ANKS1A: variants seen among roughly 807,000 people sequenced by gnomAD.
ANKS1A encodes the protein ankyrin repeat and sterile alpha motif domain containing 1A.
ANKS1A carries 55 observed loss-of-function variants against 120.3 expected under a neutral mutation model. The observed-to-expected ratio is 0.46, with a 90% CI of 0.37 to 0.57. The LOEUF (loss-of-function observed/expected upper bound fraction) is 0.57. Among genes scored for constraint, ANKS1A ranks in the 20% least tolerant of loss-of-function variants. The pLI is 0.00. For missense variants in ANKS1A, 1,123 were observed against 1,480.3 expected, an observed-to-expected ratio of 0.76 and a Z score of 3.96; for synonymous variants, 590 against 604.7, an observed-to-expected ratio of 0.98 and a Z score of 0.36.
In ANKS1A at chr6:35,017,663, C is replaced by T. The variant is rs766158625; in HGVS notation, c.1614C>T (p.His538=). 1 of 1,613,888 alleles carries T rather than the reference C, an allele frequency of 6.2e-7. No homozygotes were observed. The highest frequency in any genetic ancestry group is 2.2e-5 in the East Asian group (1 of 44,880). Residue 538 remains histidine, a synonymous_variant, in exon 11 of 24, where the codon CAC becomes CAT. Coordinates refer to ENST00000360359, the MANE Select transcript of ANKS1A (RefSeq NM_015245.3). ...PDGSPQQGAC[H]KASMQLEETG... ...GGTCCCCCCAGCAGGGCGCCTGCCA[C>T]AAGGCCAGCATGCAGCTGGAGGAGA...
At chr6:35,013,460 A>G (rs1773864407) in intron 10 of ANKS1A, among the ~76,000 whole-genome samples, 1 of 151,816 alleles carries the variant, frequency 6.6e-6, no homozygotes, top group Non-Finnish European at 1.5e-5. Context: ...ACACCCAGCT[A>G]ATTTTTAAAT....
intron 10 of ANKS1A, among the ~76,000 whole-genome samples, chr6:35,000,121 G>A (rs1029151659): frequency 6.6e-6 from 1 of 152,064 alleles, no homozygotes; most frequent in Non-Finnish European, 1.5e-5. Flanking sequence ...CCACTTTGTT[G>A]TCAGTGTAGT....
At chr6:34,970,306 A>G in intron 3 of ANKS1A, 140 bp downstream of exon 3, 6 of 978,440 alleles carry the variant, frequency 6.1e-6, no homozygotes, top group East Asian at 2.7e-5. Flanking sequence ...GTTCCTTAGC[A>G]TGGAACCACC....
chr6:35,090,860 C>T lies in ANKS1A; in HGVS notation c.*2251C>T, dbSNP rs1241255898. 6 of 985,654 alleles carry T rather than the reference C, an allele frequency of 6.1e-6. No individual in the cohort carries two copies. The highest frequency in any genetic ancestry group is 1.7e-5 in the African/African-American group (1 of 57,262). The allele number at this position is 985,654 out of a possible 1,614,324, so 61.1% of individuals were successfully genotyped here. A position where few individuals can be genotyped will look rare whatever the true frequency, so the allele number is the denominator to read the frequency against. On this transcript the variant is annotated 3_prime_UTR_variant, in exon 24 of 24. Transcript: ENST00000360359. Reference sequence around the variant, plus strand: ...GTCCCAGCCACAGGCTTCTTGTCCACCTCTTCTCCCCTGCCCACCAGCTGC... The same window carrying T: ...GTCCCAGCCACAGGCTTCTTGTCCATCTCTTCTCCCCTGCCCACCAGCTGC...
At chr6:34,900,143 A>G (rs1767275818) in intron 1 of ANKS1A, among the ~76,000 whole-genome samples, 1 of 152,188 alleles carries the variant, frequency 6.6e-6, no homozygotes, top group Non-Finnish European at 1.5e-5. Context: ...CATTTTACAG[A>G]TGAAGAAGCA....
intron 13 of ANKS1A, chr6:35,071,068 T>C: frequency 6.9e-6 from 3 of 434,316 alleles, no homozygotes; most frequent in South Asian, 6.3e-5. Context: ...CTCTTTCTAT[T>C]GACTCCAGGC....
At chr6:34,981,298 C>A (rs1771892151) in intron 3 of ANKS1A, among the ~76,000 whole-genome samples, 1 of 152,162 alleles carries the variant, frequency 6.6e-6, no homozygotes, top group Non-Finnish European at 1.5e-5. Context: ...GGGTTGAATG[C>A]CTACAAATTG....
chr6:35,016,021 G>C lies in ANKS1A; in HGVS notation c.1424-1452G>C, dbSNP rs151153516. On this transcript the variant is annotated intron_variant, in intron 10 of 23. Transcript: ENST00000360359. The stretch of plus-strand genomic sequence containing the variant: ...AGGCATCTCACATCCCTAAGGGGGA[G>C]AAGTGTGCCATCATGACATGGTGGA... Among the ~76,000 whole-genome samples the C allele has an allele frequency of 3.3e-5, 5 of 152,342 alleles. No individual in the cohort carries two copies. In the East Asian group the frequency reaches 9.6e-4, roughly 29 times the overall value.
Position 35,089,711 on chromosome 6 carries a change from T to G in ANKS1A, c.*1102T>G, listed in dbSNP as rs376958130. On this transcript the variant is annotated 3_prime_UTR_variant, in exon 24 of 24. Coordinates refer to ENST00000360359, the MANE Select transcript of ANKS1A (RefSeq NM_015245.3). ...GGCTGGCATCCCGGTGCGCCTCTGCTTCTTAAGCTTTCCTGCTGCTCGCTT... is the reference window on the plus strand; with the variant it reads ...GGCTGGCATCCCGGTGCGCCTCTGCGTCTTAAGCTTTCCTGCTGCTCGCTT... The G allele has an allele frequency of 1.1e-4, 113 of 994,308 alleles. 1 individual carries two copies. In the African/African-American group the frequency reaches 1.6e-3, roughly 14 times the overall value. 61.6% of individuals were successfully genotyped at this position (994,308 alleles called of 1,614,324 possible). A position where few individuals can be genotyped will look rare whatever the true frequency, so the allele number is the denominator to read the frequency against.
At chr6:35,087,752 G>A (rs370501191) in intron 23 of ANKS1A, among the ~76,000 whole-genome samples, 4 of 152,264 alleles carry the variant, frequency 2.6e-5, no homozygotes, top group Non-Finnish European at 4.4e-5. Flanking sequence ...CCTTGGGTCC[G>A]TGCTGACTGC....
At chr6:34,953,870 G>A (rs1173008274) in intron 1 of ANKS1A, among the ~76,000 whole-genome samples, 1 of 152,134 alleles carries the variant, frequency 6.6e-6, no homozygotes, top group African/African-American at 2.4e-5. Flanking sequence ...AATCAGAATT[G>A]TGGACTCTGG....
chr6:35,059,997 T>A, intron 12 of ANKS1A, 150 bp from the exon 13 acceptor site: 1 of 598,574 alleles, frequency 1.7e-6, no homozygotes, highest in Middle Eastern at 4.4e-4. Context: ...GAGCTGCGTG[T>A]CTGCTGCTCT....
Position 35,084,804 on chromosome 6 carries a change from T to C in ANKS1A, c.3132+546T>C, listed in dbSNP as rs1277709678. Among the ~76,000 whole-genome samples, 1 of 152,176 alleles carries C rather than the reference T, an allele frequency of 6.6e-6. No individual in the cohort carries two copies. The highest frequency in any genetic ancestry group is 1.5e-5 in the Non-Finnish European group (1 of 68,030). ...TCTTCCCTCAAATTCCTGCTGAGGCTCGGCTCTGGATGCCACTGGGCCGAG... is the reference window on the plus strand; with the variant it reads ...TCTTCCCTCAAATTCCTGCTGAGGCCCGGCTCTGGATGCCACTGGGCCGAG... On this transcript the variant is annotated intron_variant, in intron 21 of 23. Transcript: ENST00000360359. This position sits in a 1 kb window ranked among gnomAD's most constrained non-coding sequence, Gnocchi z 4.8.
intron 11 of ANKS1A, among the ~76,000 whole-genome samples, chr6:35,049,769 C>T (rs776822236): frequency 1.3e-5 from 2 of 152,188 alleles, no homozygotes; most frequent in East Asian, 1.9e-4. Flanking sequence ...GGGGCCCCAA[C>T]GAAAGACATA....
intron 3 of ANKS1A, among the ~76,000 whole-genome samples, chr6:34,971,355 A>G (rs907173466): frequency 6.6e-6 from 1 of 152,238 alleles, no homozygotes. Flanking sequence ...CTTTACATTT[A>G]TATCTTTGGA....
rs187072658 is a variant in ANKS1A at position 35,081,298 on chromosome 6, C to T, written c.2709+140C>T. 3.2e-5 allele frequency: 38 copies of T among 1,184,152 alleles called. No homozygotes were observed. In the Admixed American group the frequency reaches 9.0e-4, roughly 28 times the overall value. The allele number at this position is 1,184,152 out of a possible 1,614,324, so 73.4% of individuals were successfully genotyped here. A position where few individuals can be genotyped will look rare whatever the true frequency, so the allele number is the denominator to read the frequency against. On this transcript the variant is annotated intron_variant, in intron 17 of 23. Transcript: ENST00000360359. ...AGTCAGGAGGCACTAGCCTGCTCTG[C>T]TCGCCCACACCCAGCCGCCTTGCGT...
At chr6:34,942,474 C>A (rs1295247030) in intron 1 of ANKS1A, among the ~76,000 whole-genome samples, 1 of 152,180 alleles carries the variant, frequency 6.6e-6, no homozygotes, top group Non-Finnish European at 1.5e-5. Context: ...TACTCCAAAT[C>A]TGAAGAGTGA....
At chr6:34,907,108 A>G (rs1330121579) in intron 1 of ANKS1A, among the ~76,000 whole-genome samples, 1 of 152,208 alleles carries the variant, frequency 6.6e-6, no homozygotes, top group African/African-American at 2.4e-5. Context: ...AGAACATTCT[A>G]CAAAATACTG....
intron 10 of ANKS1A, among the ~76,000 whole-genome samples, chr6:35,008,823 C>T (rs1252014243): frequency 6.6e-6 from 1 of 152,142 alleles, no homozygotes; most frequent in Non-Finnish European, 1.5e-5. Context: ...TGTAAGAGAT[C>T]ATGGATGGCT....
Sources: allele counts gnomAD v4.1 joint callset (sites outside exome capture counted in the v4.1 genomes callset), GRCh38; gene constraint gnomAD v4.1.1; non-coding constraint Gnocchi (gnomAD v3.1); transcripts MANE v1.5; gene names NCBI Gene and HGNC (gene_info 2026-07-23, HGNC 2026-07-21).